Variants in XKR9 observed in about 807,000 individuals in gnomAD.
XKR9 encodes the protein XK-related protein 9.
A neutral mutation model predicts 32.0 loss-of-function variants in XKR9; 32 were observed. The ratio of observed to expected loss-of-function variants is 1.00; its 90% confidence interval spans 0.76 to 1.34. The LOEUF is 1.34. XKR9 is among the 40% of genes most tolerant of loss of function. The probability of loss-of-function intolerance (pLI) is 0.00; values close to 1 mark genes in which losing one functional copy is unlikely to be tolerated. For synonymous variants in XKR9, 168 were observed against 143.4 expected (o/e 1.17, Z -1.22); for missense variants, 546 against 429.7 (o/e 1.27, Z -2.39).
chr8:70,733,720 A>G, intron 4 of XKR9, 76 bp from the exon 5 acceptor site: 1 of 1,328,824 alleles, frequency 7.5e-7, no homozygotes, highest in Admixed American at 3.2e-5. Flanking sequence ...ATATAGATAT[A>G]GCATGTATGG....
the XKR9 span, among the ~76,000 whole-genome samples, chr8:70,894,372 G>C: frequency 9.7e-3 from 1,469 of 152,144 alleles, 23 homozygotes; most frequent in African/African-American, 0.034. Context: ...GGTCTAAAGG[G>C]AGCTAGTTCA....
chr8:70,673,824 G>C (rs62533063), intron 1 of XKR9, among the ~76,000 whole-genome samples: 48,420 of 151,828 alleles, frequency 0.32, 9,075 homozygotes, highest in Non-Finnish European at 0.43. Flanking sequence ...GTGACTTGAA[G>C]TTTAAGTTCC....
intron 1 of XKR9, among the ~76,000 whole-genome samples, chr8:70,673,202 G>A (rs998168847): frequency 1.3e-5 from 2 of 152,054 alleles, no homozygotes; most frequent in Admixed American, 6.5e-5. Context: ...AAGGTCTTAC[G>A]TTTAATCCTT....
At chr8:70,805,772 G>GGGGAA in the XKR9 span, among the ~76,000 whole-genome samples, 1 of 152,198 alleles carries the variant, frequency 6.6e-6, no homozygotes, top group Admixed American at 6.5e-5. Flanking sequence ...TGAGCCCCTA[G>GGGGAA]GGGAAGGAGT....
At chr8:70,871,286 T>C in the XKR9 span, among the ~76,000 whole-genome samples, 2 of 152,204 alleles carry the variant, frequency 1.3e-5, no homozygotes, top group Admixed American at 6.6e-5. Flanking sequence ...TCATTTAATT[T>C]CTTTCTTATT....
chr8:71,011,777 TG>T, the XKR9 span, among the ~76,000 whole-genome samples: 1 of 152,296 alleles, frequency 6.6e-6, no homozygotes, highest in Non-Finnish European at 1.5e-5. Context: ...ACCAGCATTA[TG>T]GGGGGAAACT....
At position 70,734,242 on chromosome 8, in the gene XKR9, A is replaced by G. The variant is rs771283965; in HGVS notation, c.940A>G (p.Asn314Asp). ...VFWVCPLTIF[N>D]PDYFIPISIT... ...CTGGGTTTGCCCCCTCACTATTTTT[A>G]ATCCAGACTATTTTATACCTATCAG... Residue 314 changes from asparagine (N) to aspartate (D), a missense_variant, in exon 5 of 5, where the codon AAT becomes GAT. Asn to Asp is a conservative substitution (Grantham distance 23). Transcript: ENST00000408926. 1 of 1,613,016 alleles carries G rather than the reference A, an allele frequency of 6.2e-7. No homozygotes were observed. Among genetic ancestry groups the G allele is most frequent in the East Asian group, 2.2e-5 (1 of 44,798 alleles).
Position 70,707,045 on chromosome 8 carries a change from A to G in XKR9, c.385A>G (p.Thr129Ala). ...ACATAAAGAAGTTATAGATAGAGTG[A>G]CTGATTTGAGCATGCTCAGACTATT... ...DLHKEVIDRV[T>A]DLSMLRLFET... is the part of the protein sequence containing the mutation. Residue 129 changes from threonine to alanine, a missense_variant, in exon 4 of 5, where the codon ACT becomes GCT. By Grantham distance (58) the Thr-to-Ala change is moderately conservative. Coordinates refer to ENST00000408926, the MANE Select transcript of XKR9 (RefSeq NM_001011720.2). 1.9e-6 allele frequency: 3 copies of G among 1,613,484 alleles called. No individual in the cohort carries two copies. The highest frequency in any genetic ancestry group is 2.5e-6 in the Non-Finnish European group (3 of 1,179,494).
At chr8:70,811,086 C>T in the XKR9 span, among the ~76,000 whole-genome samples, 1 of 152,222 alleles carries the variant, frequency 6.6e-6, no homozygotes, top group Non-Finnish European at 1.5e-5. Flanking sequence ...TTATAACAAA[C>T]TGTCTCACAG....
At chr8:70,778,300 G>A (rs1807561611) in intron 2 of XKR9, among the ~76,000 whole-genome samples, 1 of 152,116 alleles carries the variant, frequency 6.6e-6, no homozygotes, top group Non-Finnish European at 1.5e-5. Flanking sequence ...TGTGCCATCG[G>A]TCTATATATC....
At chr8:71,040,354 T>C in the XKR9 span, among the ~76,000 whole-genome samples, 1 of 152,188 alleles carries the variant, frequency 6.6e-6, no homozygotes, top group East Asian at 1.9e-4. Context: ...CTCTATTCAG[T>C]TGAATCATGT....
At chr8:70,916,154 G>T in the XKR9 span, among the ~76,000 whole-genome samples, 2 of 152,140 alleles carry the variant, frequency 1.3e-5, no homozygotes, top group East Asian at 1.9e-4. Context: ...TTCCTCAAAA[G>T]AATTGTCTAC....
the XKR9 span, among the ~76,000 whole-genome samples, chr8:70,965,157 G>C: frequency 2.0e-5 from 3 of 151,872 alleles, no homozygotes; most frequent in East Asian, 1.9e-4. Flanking sequence ...TTAACATGAA[G>C]GGTTGTTGAA....
At position 70,734,313 on chromosome 8, in the gene XKR9, T is replaced by G. The variant is rs116289101; in HGVS notation, c.1011T>G (p.Ile337Met). Residue 337 changes from isoleucine (I) to methionine (M), a missense_variant, in exon 5 of 5, where the codon ATT becomes ATG. Transcript: ENST00000408926. ...TTCTTCTTGGAATTCTTTTTCTTATTGTTTATTATGGGAGTTTTCACCCAA... is the reference window on the plus strand; with the variant it reads ...TTCTTCTTGGAATTCTTTTTCTTATGGTTTATTATGGGAGTTTTCACCCAA... ...LTLLLGILFL[I>M]VYYGSFHPNR... is the part of the protein sequence containing the mutation. 1 of 1,612,582 alleles carries G rather than the reference T, an allele frequency of 6.2e-7. No individual in the cohort carries two copies. The highest frequency in any genetic ancestry group is 8.5e-7 in the Non-Finnish European group (1 of 1,179,454).
At chr8:70,740,396 C>G (rs1222430681), downstream of XKR9, among the ~76,000 whole-genome samples, 2 of 152,002 alleles carry the variant, frequency 1.3e-5, no homozygotes, top group South Asian at 2.1e-4. Flanking sequence ...TTTTTAACTT[C>G]TTTGCCTTTG....
At chr8:70,739,531 G>T (rs897303348), downstream of XKR9, among the ~76,000 whole-genome samples, 23 of 152,088 alleles carry the variant, frequency 1.5e-4, no homozygotes, top group African/African-American at 5.6e-4. Context: ...TGGTTATTTT[G>T]CTCATTAGTT....
At chr8:71,048,623 T>G in the XKR9 span, among the ~76,000 whole-genome samples, 1 of 152,260 alleles carries the variant, frequency 6.6e-6, no homozygotes, top group Non-Finnish European at 1.5e-5. Context: ...TGAATTTGTA[T>G]ATGGTTCTGG....
chr8:70,701,302 C>T (rs955878152), intron 3 of XKR9, among the ~76,000 whole-genome samples: 5 of 152,156 alleles, frequency 3.3e-5, no homozygotes, highest in African/African-American at 7.2e-5. Flanking sequence ...AGCTGTAGAC[C>T]GGAGCTGTTC....
intron 2 of XKR9, among the ~76,000 whole-genome samples, chr8:70,748,999 C>T (rs1192972824): frequency 1.3e-5 from 2 of 152,076 alleles, no homozygotes; most frequent in Non-Finnish European, 2.9e-5. Context: ...GAGCTGGACA[C>T]TTACCTGGAC....
Sources: allele counts gnomAD v4.1 joint callset (sites outside exome capture counted in the v4.1 genomes callset), GRCh38; gene constraint gnomAD v4.1.1; transcripts MANE v1.5; gene names NCBI Gene and HGNC (gene_info 2026-07-23, HGNC 2026-07-21).